The following ATR variants were observed in gnomAD, a reference collection of about 807,000 sequenced individuals.
ATR encodes the protein serine/threonine-protein kinase ATR.
In ATR, 142 loss-of-function variants were observed where a neutral mutation model predicts 305.3. The observed-to-expected ratio is 0.47, with a 90% CI of 0.41 to 0.53. ATR has a LOEUF of 0.53. Among genes scored for constraint, ATR ranks in the 20% least tolerant of loss-of-function variants. ATR has a pLI of 0.00. For synonymous variants in ATR, 1,050 were observed against 1,068.1 expected, an observed-to-expected ratio of 0.98 and a Z score of 0.33; for missense variants, 2,135 against 3,133.1, an observed-to-expected ratio of 0.68 and a Z score of 7.60.
intron 26 of ATR, among the ~76,000 whole-genome samples, chr3:142,512,998 A>G (rs2032655295): frequency 6.6e-6 from 1 of 152,210 alleles, no homozygotes; most frequent in Admixed American, 6.5e-5. Flanking sequence ...ATTCTAGATT[A>G]TTCAATAAAT....
At chr3:142,544,452 C>CAAAAAAAAAAAAAAAAAAAAAAAAAAAA (rs57120276) in intron 16 of ATR, among the ~76,000 whole-genome samples, 18 of 18,972 alleles carry the variant, frequency 9.5e-4, no homozygotes, top group Non-Finnish European at 1.3e-3. Context: ...ATCCTGCCTC[C>CAAAAAAAAAAAAAAAAAAAAAAAAAAAA]AAAAAAAAAA....
chr3:142,549,724 A>C, intron 14 of ATR, 51 bp from the exon 15 acceptor site: 3 of 1,543,790 alleles, frequency 1.9e-6, no homozygotes, highest in Non-Finnish European at 2.7e-6. Flanking sequence ...TGGGTGAAAA[A>C]AATATTCACA....
At chr3:142,475,994 G>C (rs1455476463) in intron 36 of ATR, among the ~76,000 whole-genome samples, 1 of 152,010 alleles carries the variant, frequency 6.6e-6, no homozygotes, top group East Asian at 1.9e-4. Context: ...CTGGATATTA[G>C]CCCTTCGTCA....
At chr3:142,472,758 C>T (rs2108284864) in intron 36 of ATR, among the ~76,000 whole-genome samples, 1 of 152,310 alleles carries the variant, frequency 6.6e-6, no homozygotes, top group South Asian at 2.1e-4. Context: ...CTGCCTCAGC[C>T]TCCTGAGCAG....
intron 46 of ATR, chr3:142,450,739 C>T (rs2070769239): frequency 6.5e-7 from 1 of 1,543,968 alleles, no homozygotes; most frequent in Non-Finnish European, 8.8e-7. Flanking sequence ...AATGAAGGTG[C>T]TGGCAGGTCT....
rs2108432284 is a variant in ATR at position 142,538,514 on chromosome 3, T to C, written c.3693A>G (p.Ala1231=). Residue 1231 remains alanine (A), a synonymous_variant, in exon 19 of 47, where the codon GCA becomes GCG. Transcript: ENST00000350721. ...CAATTATGAGGTAGTGGAAGATAGC[T>C]GCAGTTTCTTTAGGCTGGATGTGTA... is the stretch of plus-strand genomic sequence containing the variant. The part of the protein sequence containing the change: ...PLIHIQPKET[A]AIFHYLIIEN... 6.2e-7 allele frequency: 1 copy of C among 1,613,302 alleles called. No homozygotes were observed. Among genetic ancestry groups the C allele is most frequent in the Non-Finnish European group, 8.5e-7 (1 of 1,179,416 alleles).
intron 23 of ATR, 67 bp downstream of exon 23, chr3:142,522,661 T>C (rs906049759): frequency 1.5e-5 from 19 of 1,303,652 alleles, no homozygotes; most frequent in East Asian, 2.3e-5. Context: ...TTCACAAGTA[T>C]AGAATTTACA....
intron 25 of ATR, among the ~76,000 whole-genome samples, chr3:142,514,695 T>C (rs1389161387): frequency 1.9e-4 from 27 of 145,892 alleles, no homozygotes; most frequent in African/African-American, 6.9e-4. Flanking sequence ...TAATCCCAGC[T>C]ACTCAGGAGG....
In ATR at chr3:142,505,315, G is replaced by T. The variant is rs1473439875; in HGVS notation, c.5032-12C>A. ...GCAGCATACAATTTCTTTGTTCAAT[G>T]ATTAAAAAACAATCAAAAACAAGAA... On this transcript the variant is annotated splice_polypyrimidine_tract_variant and intron_variant, in intron 28 of 46. Transcript: ENST00000350721. 1.2e-6 allele frequency: 2 copies of T among 1,612,164 alleles called. No individual in the cohort carries two copies. Among genetic ancestry groups the T allele is most frequent in the Non-Finnish European group, 1.7e-6 (2 of 1,179,474 alleles).
chr3:142,550,020 AAACTT>A, intron 14 of ATR, 107 bp downstream of exon 14: 4 of 1,380,866 alleles, frequency 2.9e-6, no homozygotes, highest in Non-Finnish European at 4.0e-6. Flanking sequence ...AAATCCACTT[AAACTT>A]AAGTTTTACA....
At chr3:142,520,809 G>A (rs2033117064) in intron 23 of ATR, among the ~76,000 whole-genome samples, 1 of 152,156 alleles carries the variant, frequency 6.6e-6, no homozygotes, top group Non-Finnish European at 1.5e-5. Context: ...AAAAGTGTAA[G>A]GTGAAGAAGC....
intron 20 of ATR, among the ~76,000 whole-genome samples, chr3:142,535,862 G>T (rs531615983): frequency 1.3e-5 from 2 of 152,230 alleles, no homozygotes; most frequent in East Asian, 1.9e-4. Context: ...GGTAGTAAAG[G>T]CATAAGAATT....
At position 142,562,758 on chromosome 3, in the gene ATR, C is replaced by T. The variant is rs368507270; in HGVS notation, c.644G>A (p.Arg215His). 5.2e-5 allele frequency: 84 copies of T among 1,611,792 alleles called. 1 individual carries two copies. The South Asian group carries it at 6.6e-4, about 13-fold the overall frequency. ...IEVTLLMVLT[R>H]IIAIVFFRRQ... ...TCTAAAAAACACAATTGCAATAATA[C>T]GAGTAAGAACCATTAATAAAGTGAC... Residue 215 changes from arginine (R) to histidine (H), a missense_variant, in exon 4 of 47, where the codon CGT (arginine) becomes CAT (histidine). Transcript: ENST00000350721.
At position 142,553,716 on chromosome 3, in the gene ATR, C is replaced by T; in HGVS notation, c.2557G>A (p.Ala853Thr). The change falls in exon 12 of 47, where the codon GCA becomes ACA. Residue 853 changes from alanine (A) to threonine (T), a missense_variant. This residue lies in a region of ATR where 530 missense variants were observed against 766.8 expected (regional missense o/e 0.69). Coordinates refer to ENST00000350721, the MANE Select transcript of ATR (RefSeq NM_001184.4). ...CTTGATATTTGGGCATGTGTATATG[C>T]TTCCTTCATTCTTAAGACAAAAAGC... ...KELFVLRMKE[A>T]YTHAQISRNN... 6.2e-7 allele frequency: 1 copy of T among 1,612,874 alleles called. No individual in the cohort carries two copies.
intron 30 of ATR, 98 bp from the exon 31 acceptor site, chr3:142,499,816 G>T: frequency 1.0e-6 from 1 of 955,360 alleles, no homozygotes; most frequent in Non-Finnish European, 1.6e-6. Flanking sequence ...TATATTTATT[G>T]AATTTGCATT....
intron 27 of ATR, among the ~76,000 whole-genome samples, chr3:142,510,530 C>T (rs1461654555): frequency 2.6e-5 from 4 of 152,008 alleles, no homozygotes; most frequent in Non-Finnish European, 4.4e-5. Context: ...TAGCCACATT[C>T]CAGACAAAAA....
Position 142,535,147 on chromosome 3 carries a change from T to C in ATR, c.3878A>G (p.Gln1293Arg). The C allele has an allele frequency of 6.2e-7, 1 of 1,613,278 alleles. No homozygotes were observed. Among genetic ancestry groups the C allele is most frequent in the Non-Finnish European group, 8.5e-7 (1 of 1,179,428 alleles). Reference protein sequence around the residue: ...TTLQLSMKAIQHENVDVRIHA... With the variant: ...TTLQLSMKAIRHENVDVRIHA... ...AATACGAACATCGACATTTTCATGT[T>C]GAATGGCCTTCATAGAGAGCTGAAG... is the stretch of plus-strand genomic sequence containing the variant. Residue 1293 changes from glutamine to arginine, a missense_variant, in exon 21 of 47, where the codon CAA becomes CGA. Transcript: ENST00000350721.
chr3:142,534,068 T>C (rs2033761154), intron 21 of ATR, among the ~76,000 whole-genome samples: 1 of 152,086 alleles, frequency 6.6e-6, no homozygotes. Flanking sequence ...AGAAAACCTC[T>C]ATGCAAAGAG....
At chr3:142,575,014 G>A (rs1435190982) in intron 1 of ATR, among the ~76,000 whole-genome samples, 1 of 151,610 alleles carries the variant, frequency 6.6e-6, no homozygotes, top group East Asian at 1.9e-4. Context: ...GGATTTTAAG[G>A]AAGTAAAAAT....
Sources: allele counts gnomAD v4.1 joint callset (sites outside exome capture counted in the v4.1 genomes callset), GRCh38; gene constraint gnomAD v4.1.1; regional missense constraint gnomAD v4.1.1; transcripts MANE v1.5; gene names NCBI Gene and HGNC (gene_info 2026-07-23, HGNC 2026-07-21).